The following KDM2A variants were observed in gnomAD, a reference collection of about 807,000 sequenced individuals.
KDM2A encodes lysine-specific demethylase 2A.
KDM2A carries 3 observed loss-of-function variants against 137.3 expected under a neutral mutation model. That is an observed-to-expected ratio of 0.02 (90% confidence interval 0.01 to 0.06). KDM2A has a LOEUF of 0.06. KDM2A is among the 10% of genes least tolerant of loss of function. The pLI, the probability that KDM2A is intolerant of heterozygous loss-of-function variation, is 1.00. For missense variants in KDM2A, 738 were observed against 1,510.6 expected, an observed-to-expected ratio of 0.49 and a Z score of 8.48; for synonymous variants, 512 against 541.5, an observed-to-expected ratio of 0.95 and a Z score of 0.76.
chr11:67,214,194 C>T (rs1214808848), intron 6 of KDM2A, among the ~76,000 whole-genome samples: 1 of 144,348 alleles, frequency 6.9e-6, no homozygotes, highest in East Asian at 2.0e-4. Flanking sequence ...GCATGCGCCA[C>T]CATGCGCAGC....
intron 2 of KDM2A, among the ~76,000 whole-genome samples, chr11:67,176,685 T>G (rs1232179812): frequency 6.6e-6 from 1 of 152,118 alleles, no homozygotes; most frequent in Non-Finnish European, 1.5e-5. Flanking sequence ...AGGCTACAAA[T>G]CTGTACAGCA....
chr11:67,211,442 C>T (rs953185826), intron 6 of KDM2A, among the ~76,000 whole-genome samples: 11 of 151,730 alleles, frequency 7.2e-5, no homozygotes, highest in South Asian at 2.1e-4. Flanking sequence ...GGTGAAACCC[C>T]GCCTCTACTA....
At chr11:67,196,019 A>G (rs1227653687) in intron 5 of KDM2A, 1 of 413,938 alleles carries the variant, frequency 2.4e-6, no homozygotes, top group Admixed American at 3.0e-5. Context: ...AAGAATTGCT[A>G]AATTTCTCTC....
chr11:67,157,445 C>A (rs1429385726), intron 2 of KDM2A, among the ~76,000 whole-genome samples: 2 of 151,040 alleles, frequency 1.3e-5, no homozygotes, highest in East Asian at 3.9e-4. Context: ...TTCCTGGTTT[C>A]TCTTATTAAC....
intron 10 of KDM2A, among the ~76,000 whole-genome samples, chr11:67,221,073 G>A (rs1302908650): frequency 6.6e-6 from 1 of 151,418 alleles, no homozygotes; most frequent in Non-Finnish European, 1.5e-5. Context: ...CATAAAAAGA[G>A]GCAGCAGGCC....
At position 67,250,904 on chromosome 11, in the gene KDM2A, TATG is replaced by T; in HGVS notation, c.2768+108_2768+110del. ...TGGCATCTGAAAGCCTGTGGGGTCT[TATG>T]AGGAGTGAATTGACCCTTTTTCCCA... On this transcript the variant is annotated intron_variant, in intron 17 of 20. Coordinates refer to ENST00000529006, the MANE Select transcript of KDM2A (RefSeq NM_012308.3). This position sits in a 1 kb window ranked among gnomAD's most constrained non-coding sequence, Gnocchi z 7.1. The T allele has an allele frequency of 1.2e-6, 1 of 853,298 alleles. No individual in the cohort carries two copies. Among genetic ancestry groups the T allele is most frequent in the East Asian group, 2.5e-5 (1 of 40,346 alleles). 52.9% of individuals were successfully genotyped at this position (853,298 alleles called of 1,614,324 possible). A position where few individuals can be genotyped will look rare whatever the true frequency, so the allele number is the denominator to read the frequency against.
intron 12 of KDM2A, among the ~76,000 whole-genome samples, chr11:67,238,731 T>C (rs1287176434): frequency 6.6e-6 from 1 of 152,234 alleles, no homozygotes; most frequent in Admixed American, 6.5e-5. Flanking sequence ...GCTTAAGAGC[T>C]AGATGCTTAA....
Position 67,250,297 on chromosome 11 carries a change from G to A in KDM2A, c.2267G>A (p.Arg756His), listed in dbSNP as rs781434603. 26 of 1,613,816 alleles carry A rather than the reference G, an allele frequency of 1.6e-5. No individual in the cohort carries two copies. Among genetic ancestry groups the A allele is most frequent in the Non-Finnish European group, 2.0e-5 (24 of 1,179,910 alleles). Residue 756 changes from arginine (R) to histidine (H), a missense_variant, in exon 17 of 21, where the codon CGC becomes CAC. This residue lies in a region of KDM2A where 244 missense variants were observed against 324.6 expected (regional missense o/e 0.75). Coordinates refer to ENST00000529006, the MANE Select transcript of KDM2A (RefSeq NM_012308.3). The surrounding 1 kb of genome is among the most constrained non-coding windows in gnomAD (Gnocchi z 7.1). Reference protein sequence around the residue: ...SDHHSASRDERFKRRQLLRLQ... With the variant: ...SDHHSASRDEHFKRRQLLRLQ... Reference sequence around the variant, plus strand: ...CACCACAGTGCCAGCCGCGATGAGCGCTTCAAACGGCGGCAGTTGCTGCGG... The same window carrying A: ...CACCACAGTGCCAGCCGCGATGAGCACTTCAAACGGCGGCAGTTGCTGCGG...
In KDM2A at chr11:67,242,967, C is replaced by G; in HGVS notation, c.1480-42C>G. The G allele has an allele frequency of 2.0e-6, 3 of 1,536,600 alleles. No individual in the cohort carries two copies. The South Asian group carries it at 3.4e-5, about 17-fold the overall frequency. Reference sequence around the variant, plus strand: ...TGTTCAGGGTGGTTGGCTCTTTGTTCACCCTGCCCTGATTTTTCCTTCTTT... The same window carrying G: ...TGTTCAGGGTGGTTGGCTCTTTGTTGACCCTGCCCTGATTTTTCCTTCTTT... On this transcript the variant is annotated intron_variant, in intron 12 of 20. Coordinates refer to ENST00000529006, the MANE Select transcript of KDM2A (RefSeq NM_012308.3).
intron 11 of KDM2A, among the ~76,000 whole-genome samples, chr11:67,230,944 T>G (rs7125190): frequency 2.6e-5 from 4 of 151,190 alleles, no homozygotes; most frequent in Non-Finnish European, 5.9e-5. Context: ...AAAAAAAAAG[T>G]TTTTTGGTTT....
chr11:67,156,884 T>A (rs1004790337), intron 2 of KDM2A, among the ~76,000 whole-genome samples: 1 of 149,000 alleles, frequency 6.7e-6, no homozygotes, highest in South Asian at 2.1e-4. Context: ...AGGGTGAGAC[T>A]CTCTCAAAAA....
At chr11:67,168,449 G>A (rs1298303739) in intron 2 of KDM2A, among the ~76,000 whole-genome samples, 2 of 151,990 alleles carry the variant, frequency 1.3e-5, no homozygotes, top group South Asian at 2.1e-4. Context: ...CTAGTGGCCA[G>A]CAATCTTCTT....
At chr11:67,206,267 C>T (rs1388709951) in intron 5 of KDM2A, among the ~76,000 whole-genome samples, 2 of 152,138 alleles carry the variant, frequency 1.3e-5, no homozygotes, top group Non-Finnish European at 2.9e-5. Flanking sequence ...GCTGACTTTA[C>T]CAAAAATACA....
At chr11:67,192,183 T>C (rs1857370929) in intron 5 of KDM2A, among the ~76,000 whole-genome samples, 1 of 151,798 alleles carries the variant, frequency 6.6e-6, no homozygotes, top group South Asian at 2.1e-4. Flanking sequence ...CTTCCCATTT[T>C]CAATCCCTTT....
chr11:67,252,834 C>T lies in KDM2A; in HGVS notation c.2909C>T (p.Thr970Ile). 1 of 1,609,818 alleles carries T rather than the reference C, an allele frequency of 6.2e-7. No individual in the cohort carries two copies. The highest frequency in any genetic ancestry group is 8.5e-7 in the Non-Finnish European group (1 of 1,176,570). The change falls in exon 18 of 21, where the codon ACA becomes ATA. Residue 970 changes from threonine (T) to isoleucine (I), a missense_variant. Coordinates refer to ENST00000529006, the MANE Select transcript of KDM2A (RefSeq NM_012308.3). ...ACCAACATCTCTAAAAAGCAACTGA[C>T]ATGGCTCGTCAATAGGCTGCCAGGT... Reference protein sequence around the residue: ...SWTNISKKQLTWLVNRLPGLK... With the variant: ...SWTNISKKQLIWLVNRLPGLK...
chr11:67,124,488 A>G (rs774800185), intron 2 of KDM2A, among the ~76,000 whole-genome samples: 13 of 141,992 alleles, frequency 9.2e-5, no homozygotes, highest in Non-Finnish European at 1.4e-4. Context: ...ATTTTTTTGT[A>G]TTTTTAGTTG....
At chr11:67,172,315 A>C (rs1856895649) in intron 2 of KDM2A, among the ~76,000 whole-genome samples, 1 of 152,206 alleles carries the variant, frequency 6.6e-6, no homozygotes, top group Non-Finnish European at 1.5e-5. Context: ...TTCTGCCAAA[A>C]AGAAAAAAAG....
chr11:67,203,137 A>G (rs898531706), intron 5 of KDM2A, among the ~76,000 whole-genome samples: 2 of 152,172 alleles, frequency 1.3e-5, no homozygotes, highest in Non-Finnish European at 1.5e-5. Flanking sequence ...GTTCCTCCAC[A>G]GGCCAAGATT....
At chr11:67,221,166 G>A (rs1488823089) in intron 10 of KDM2A, among the ~76,000 whole-genome samples, 2 of 152,142 alleles carry the variant, frequency 1.3e-5, no homozygotes, top group African/African-American at 2.4e-5. Context: ...AATTGGTAAG[G>A]GCTGAATCAT....
Sources: gnomAD v4.1 joint callset for allele counts (sites outside exome capture counted in the v4.1 genomes callset) on GRCh38, gnomAD v4.1.1 for gene constraint, gnomAD v4.1.1 regional missense constraint, Gnocchi (gnomAD v3.1) non-coding constraint, MANE v1.5 for transcripts, NCBI Gene and HGNC (gene_info 2026-07-23, HGNC 2026-07-21) for gene names.